PRDM16: variants seen among roughly 807,000 people sequenced by gnomAD.
The protein encoded by PRDM16 is histone-lysine N-methyltransferase PRDM16.
Under a neutral mutation model 110.6 loss-of-function variants are expected in PRDM16, and 23 were observed. The ratio of observed to expected loss-of-function variants is 0.21; its 90% confidence interval spans 0.15 to 0.29. PRDM16 has a LOEUF of 0.29. Among genes scored for constraint, PRDM16 ranks in the 10% least tolerant of loss-of-function variants. The pLI, the probability that PRDM16 is intolerant of heterozygous loss-of-function variation, is 1.00. For missense variants in PRDM16, 1,615 were observed against 1,794.3 expected (o/e 0.90, Z 1.81); for synonymous variants, 799 against 781.8 (o/e 1.02, Z -0.37).
chr1:3,301,594 C>A (rs1002927529), intron 3 of PRDM16, among the ~76,000 whole-genome samples: 2 of 152,166 alleles, frequency 1.3e-5, no homozygotes, highest in African/African-American at 4.8e-5. Flanking sequence ...TTAGCAAGGG[C>A]TCTGTAAGAC....
At chr1:3,217,799 G>A (rs1639064488) in intron 2 of PRDM16, among the ~76,000 whole-genome samples, 1 of 152,160 alleles carries the variant, frequency 6.6e-6, no homozygotes. Context: ...TTTTGGGCTG[G>A]CTGGGACGCG....
chr1:3,194,690 G>T (rs371586051), intron 2 of PRDM16, among the ~76,000 whole-genome samples: 1 of 146,852 alleles, frequency 6.8e-6, no homozygotes, highest in Non-Finnish European at 1.5e-5. Context: ...ATCGCCACAC[G>T]CCATCGTCTC....
At chr1:3,418,431 C>T (rs1218296156) in intron 11 of PRDM16, among the ~76,000 whole-genome samples, 2 of 152,190 alleles carry the variant, frequency 1.3e-5, no homozygotes, top group Admixed American at 6.5e-5. Flanking sequence ...ACTGAGGGGC[C>T]GAGACGCTTC....
Position 3,425,200 on chromosome 1 carries a change from C to T in PRDM16, c.2940-381C>T, listed in dbSNP as rs573349244. On this transcript the variant is annotated intron_variant, in intron 12 of 16. Coordinates refer to ENST00000270722, the MANE Select transcript of PRDM16 (RefSeq NM_022114.4). The surrounding 1 kb of genome is among the most constrained non-coding windows in gnomAD (Gnocchi z 6.9). Reference sequence around the variant, plus strand: ...TCACGCCATTCTCCTGCCTCAGCCTCCAGAGTAGCTGGGACTACAGGCGCC... The same window carrying T: ...TCACGCCATTCTCCTGCCTCAGCCTTCAGAGTAGCTGGGACTACAGGCGCC... The T allele has an allele frequency of 2.4e-5, 4 of 166,394 alleles. No individual in the cohort carries two copies. In the East Asian group the frequency reaches 6.7e-4, roughly 28 times the overall value. 10.3% of individuals were successfully genotyped at this position (166,394 alleles called of 1,614,324 possible).
intron 3 of PRDM16, among the ~76,000 whole-genome samples, chr1:3,354,682 T>C (rs1039144226): frequency 1.3e-5 from 2 of 152,096 alleles, no homozygotes; most frequent in Non-Finnish European, 2.9e-5. Context: ...TCCATTTCTA[T>C]TGGATAATTT....
chr1:3,119,003 C>A (rs1330163657), intron 1 of PRDM16, among the ~76,000 whole-genome samples: 1 of 152,206 alleles, frequency 6.6e-6, no homozygotes, highest in Non-Finnish European at 1.5e-5. Flanking sequence ...GTTGCTTGAC[C>A]CCAGAGCAGG....
intron 1 of PRDM16, among the ~76,000 whole-genome samples, chr1:3,084,666 G>A (rs1642109724): frequency 1.3e-5 from 2 of 152,188 alleles, no homozygotes; most frequent in Admixed American, 1.3e-4. Flanking sequence ...TTTGAGTCGA[G>A]GCCACATCTG....
intron 1 of PRDM16, among the ~76,000 whole-genome samples, chr1:3,128,602 C>T (rs185314656): frequency 2.6e-5 from 4 of 152,196 alleles, no homozygotes; most frequent in African/African-American, 4.8e-5. Context: ...AGAGGGTGAT[C>T]GGCCACGGTG....
In PRDM16 at chr1:3,318,918, T is replaced by G. The variant is rs921918199; in HGVS notation, c.439-66234T>G. ...TTCCTAGGAAAAGCGCAACTGTGAG[T>G]GTAAAATAAAGGCCCCTGAGCTCTG... On this transcript the variant is annotated intron_variant, in intron 3 of 16. Coordinates refer to ENST00000270722, the MANE Select transcript of PRDM16 (RefSeq NM_022114.4). 3.3e-5 allele frequency among the ~76,000 whole-genome samples: 5 copies of G among 152,024 alleles called. No individual in the cohort carries two copies. The South Asian group carries it at 8.3e-4, about 25-fold the overall frequency.
chr1:3,072,403 C>T lies in PRDM16; in HGVS notation c.37+3107C>T, dbSNP rs144177644. Reference sequence around the variant, plus strand: ...TGATCCCCACCTAGGTGGCAGACCCCATGTCCTAGATGCCACATACCCCAG... The same window carrying T: ...TGATCCCCACCTAGGTGGCAGACCCTATGTCCTAGATGCCACATACCCCAG... On this transcript the variant is annotated intron_variant, in intron 1 of 16. Transcript: ENST00000270722. Among the ~76,000 whole-genome samples, 175 of 152,272 alleles carry T rather than the reference C, an allele frequency of 1.1e-3. 1 individual carries two copies. The highest frequency in any genetic ancestry group is 3.8e-3 in the African/African-American group (157 of 41,544).
intron 12 of PRDM16, among the ~76,000 whole-genome samples, chr1:3,423,610 G>T (rs763671956): frequency 6.6e-6 from 1 of 152,188 alleles, no homozygotes; most frequent in Non-Finnish European, 1.5e-5. Context: ...GCTCTGGAGC[G>T]GGCCACCGGC....
In PRDM16 at chr1:3,201,331, C is replaced by T. The variant is rs1450660729; in HGVS notation, c.387+14857C>T. Reference sequence around the variant, plus strand: ...TTCAATTGCACTGACTTGAAGCTCGCACAGAGATGAACAAGATGCAGCCTC... The same window carrying T: ...TTCAATTGCACTGACTTGAAGCTCGTACAGAGATGAACAAGATGCAGCCTC... On this transcript the variant is annotated intron_variant, in intron 2 of 16. Coordinates refer to ENST00000270722, the MANE Select transcript of PRDM16 (RefSeq NM_022114.4). The surrounding 1 kb of genome is among the most constrained non-coding windows in gnomAD (Gnocchi z 4.1). Among the ~76,000 whole-genome samples, 3 of 152,182 alleles carry T rather than the reference C, an allele frequency of 2.0e-5. No homozygotes were observed. Among genetic ancestry groups the T allele is most frequent in the Non-Finnish European group, 1.5e-5 (1 of 68,034 alleles).
chr1:3,289,007 G>C (rs1249896658), intron 3 of PRDM16, among the ~76,000 whole-genome samples: 1 of 152,242 alleles, frequency 6.6e-6, no homozygotes, highest in African/African-American at 2.4e-5. Flanking sequence ...ACAGGGCCTA[G>C]GGGCAGGGGA....
chr1:3,186,748 G>A (rs12135062), intron 2 of PRDM16, among the ~76,000 whole-genome samples: 70 of 152,018 alleles, frequency 4.6e-4, no homozygotes, highest in Non-Finnish European at 8.2e-4. Flanking sequence ...AAAACATCCC[G>A]TGCTTCCCGC....
At chr1:3,235,985 T>C (rs916655661) in intron 2 of PRDM16, among the ~76,000 whole-genome samples, 5 of 152,126 alleles carry the variant, frequency 3.3e-5, no homozygotes, top group Non-Finnish European at 7.4e-5. Flanking sequence ...CCAAGCATTC[T>C]GGAAGTTTGG....
At chr1:3,373,728 A>G (rs1442365735) in intron 3 of PRDM16, among the ~76,000 whole-genome samples, 1 of 152,154 alleles carries the variant, frequency 6.6e-6, no homozygotes, top group Admixed American at 6.5e-5. Context: ...CCCGTGTGGC[A>G]AACCCACTCC....
chr1:3,118,364 C>T (rs545278826), intron 1 of PRDM16, among the ~76,000 whole-genome samples: 1 of 152,322 alleles, frequency 6.6e-6, no homozygotes, highest in African/African-American at 2.4e-5. Flanking sequence ...CTCCTGCACC[C>T]CCACCTGGCC....
chr1:3,437,985 G>A lies in PRDM16; in HGVS notation c.*4174G>A, dbSNP rs531888027. On this transcript the variant is annotated 3_prime_UTR_variant, in exon 17 of 17. Transcript: ENST00000270722. ...CCTCGCAGAATCACAGACCTGTGCC[G>A]CCCGCCACCTTCTGCCATTGTTACA... The A allele has an allele frequency of 1.4e-4, 31 of 219,614 alleles. No homozygotes were observed. Among genetic ancestry groups the A allele is most frequent in the African/African-American group, 3.6e-4 (16 of 44,676 alleles). The allele number at this position is 219,614 out of a possible 1,614,324, so 13.6% of individuals were successfully genotyped here.
chr1:3,251,423 C>T (rs1639929977), intron 3 of PRDM16, among the ~76,000 whole-genome samples: 1 of 152,196 alleles, frequency 6.6e-6, no homozygotes, highest in African/African-American at 2.4e-5. Flanking sequence ...GAACCCACGT[C>T]CAGGGCTTGG....
Sources: allele counts gnomAD v4.1 joint callset (sites outside exome capture counted in the v4.1 genomes callset), GRCh38; gene constraint gnomAD v4.1.1; non-coding constraint Gnocchi (gnomAD v3.1); transcripts MANE v1.5; gene names NCBI Gene and HGNC (gene_info 2026-07-23, HGNC 2026-07-21).